Variants in SEMA3E observed in about 807,000 individuals in gnomAD.
SEMA3E encodes the protein semaphorin 3E.
SEMA3E carries 49 observed loss-of-function variants against 93.6 expected under a neutral mutation model. That is an observed-to-expected ratio of 0.52 (90% CI 0.42 to 0.66). The LOEUF is 0.66. Ranked by LOEUF, SEMA3E falls within the 30% of genes least tolerant of loss-of-function variation. The probability of loss-of-function intolerance (pLI) is 0.00; values close to 1 mark genes in which losing one functional copy is unlikely to be tolerated. For synonymous variants in SEMA3E, 363 were observed against 330.7 expected, an observed-to-expected ratio of 1.10 and a Z score of -1.06; for missense variants, 906 against 964.8, an observed-to-expected ratio of 0.94 and a Z score of 0.81.
At chr7:83,567,215 A>T (rs1051351366) in intron 1 of SEMA3E, among the ~76,000 whole-genome samples, 22 of 152,198 alleles carry the variant, frequency 1.4e-4, no homozygotes, top group Admixed American at 1.4e-3. Flanking sequence ...AGGATGTAAC[A>T]ATCCTAAACG....
At chr7:83,578,540 A>G (rs1792455622) in intron 1 of SEMA3E, among the ~76,000 whole-genome samples, 1 of 152,184 alleles carries the variant, frequency 6.6e-6, no homozygotes, top group African/African-American at 2.4e-5. Flanking sequence ...TAGGCAACAG[A>G]GTGAGACTCC....
intron 1 of SEMA3E, among the ~76,000 whole-genome samples, chr7:83,495,418 G>A (rs891513763): frequency 6.6e-6 from 1 of 151,564 alleles, no homozygotes; most frequent in Non-Finnish European, 1.5e-5. Context: ...TCATCCATAA[G>A]AAATTCATAG....
intron 4 of SEMA3E, among the ~76,000 whole-genome samples, chr7:83,426,230 T>C (rs377598071): frequency 4.6e-5 from 7 of 152,276 alleles, no homozygotes; most frequent in African/African-American, 1.4e-4. Flanking sequence ...ACTAGGTATA[T>C]GCCCAAAGGA....
chr7:83,637,907 G>A (rs1562865406), intron 1 of SEMA3E, among the ~76,000 whole-genome samples: 1 of 151,684 alleles, frequency 6.6e-6, no homozygotes, highest in Non-Finnish European at 1.5e-5. Flanking sequence ...AGATCAAGGA[G>A]GAAATTGTTG....
chr7:83,617,513 A>AATAATATATAATTTTATATAAATTT (rs1793400299), intron 1 of SEMA3E, among the ~76,000 whole-genome samples: 16 of 125,174 alleles, frequency 1.3e-4, no homozygotes, highest in Admixed American at 4.3e-4. Context: ...TATATAAATA[A>AATAATATATAATTTTATATAAATTT]TATATAATTT....
intron 1 of SEMA3E, among the ~76,000 whole-genome samples, chr7:83,597,691 C>T (rs1435170586): frequency 6.6e-6 from 1 of 152,136 alleles, no homozygotes; most frequent in Non-Finnish European, 1.5e-5. Context: ...TAATATAGCA[C>T]AACTATACTT....
chr7:83,367,409 T>C lies in SEMA3E; in HGVS notation c.*177A>G, dbSNP rs1368396183. On this transcript the variant is annotated 3_prime_UTR_variant, in exon 17 of 17. Coordinates refer to ENST00000643230, the MANE Select transcript of SEMA3E (RefSeq NM_012431.3). ...TTATTTAAAAAATTAGTTAATTTTA[T>C]GTAAAGTTTATCCAGTCAAATGAGT... 2 of 648,118 alleles carry C rather than the reference T, an allele frequency of 3.1e-6. No individual in the cohort carries two copies. The highest frequency in any genetic ancestry group is 5.3e-6 in the Non-Finnish European group (2 of 377,840). The allele number at this position is 648,118 out of a possible 1,614,324, so 40.1% of individuals were successfully genotyped here.
chr7:83,586,507 T>G (rs1792630908), intron 1 of SEMA3E, among the ~76,000 whole-genome samples: 2 of 151,928 alleles, frequency 1.3e-5, no homozygotes, highest in African/African-American at 4.8e-5. Flanking sequence ...GGTCTGGGAC[T>G]GCCAAGAGAG....
At chr7:83,462,536 T>TCC (rs1789649958) in intron 4 of SEMA3E, among the ~76,000 whole-genome samples, 1 of 151,946 alleles carries the variant, frequency 6.6e-6, no homozygotes, top group Non-Finnish European at 1.5e-5. Context: ...TCCCCTTGTA[T>TCC]CTCCCCACCT....
intron 2 of SEMA3E, among the ~76,000 whole-genome samples, chr7:83,488,016 C>T (rs189337334): frequency 2.0e-5 from 3 of 151,766 alleles, no homozygotes; most frequent in Non-Finnish European, 2.9e-5. Flanking sequence ...CTAGGAAAAG[C>T]GGAAATCTAA....
intron 1 of SEMA3E, among the ~76,000 whole-genome samples, chr7:83,548,200 G>A (rs1016192810): frequency 1.3e-5 from 2 of 152,062 alleles, no homozygotes; most frequent in Non-Finnish European, 2.9e-5. Flanking sequence ...ACAGAGAACT[G>A]AGATGAACTT....
chr7:83,420,817 T>G (rs1016724902), intron 4 of SEMA3E, among the ~76,000 whole-genome samples: 2 of 152,168 alleles, frequency 1.3e-5, no homozygotes, highest in Admixed American at 1.3e-4. Flanking sequence ...TATACAAAAA[T>G]TAACTCAATA....
intron 1 of SEMA3E, among the ~76,000 whole-genome samples, chr7:83,530,843 A>T (rs1791278473): frequency 1.3e-5 from 2 of 150,920 alleles, no homozygotes; most frequent in Admixed American, 1.3e-4. Context: ...GCGCCACTGT[A>T]CTCCAGCCTG....
chr7:83,447,854 A>C (rs73393328), intron 4 of SEMA3E, among the ~76,000 whole-genome samples: 5,156 of 152,232 alleles, frequency 0.034, 319 homozygotes, highest in African/African-American at 0.12. Flanking sequence ...TTTGAGGCTC[A>C]TATATTGTTT....
chr7:83,485,418 C>T (rs1340847112), intron 2 of SEMA3E, among the ~76,000 whole-genome samples: 2 of 152,148 alleles, frequency 1.3e-5, no homozygotes, highest in African/African-American at 2.4e-5. Context: ...CAATATTATA[C>T]ATGCATAGCC....
intron 1 of SEMA3E, among the ~76,000 whole-genome samples, chr7:83,532,480 A>G (rs982150468): frequency 1.3e-5 from 2 of 152,220 alleles, no homozygotes; most frequent in African/African-American, 4.8e-5. Context: ...GAAAGAATTA[A>G]TGAATAAATG....
chr7:83,626,944 TG>T (rs1213244515), intron 1 of SEMA3E, among the ~76,000 whole-genome samples: 1 of 152,228 alleles, frequency 6.6e-6, no homozygotes, highest in African/African-American at 2.4e-5. Flanking sequence ...TATTTATTTC[TG>T]CCTTAATTTC....
chr7:83,639,199 G>A (rs1181277411), intron 1 of SEMA3E, among the ~76,000 whole-genome samples: 2 of 149,418 alleles, frequency 1.3e-5, no homozygotes, highest in Non-Finnish European at 1.5e-5. Context: ...CAGCTCCCAG[G>A]GAATGCTGAT....
chr7:83,621,345 A>C (rs1174602291), intron 1 of SEMA3E, among the ~76,000 whole-genome samples: 3 of 152,200 alleles, frequency 2.0e-5, no homozygotes, highest in Admixed American at 6.5e-5. Context: ...GAAATCAGAG[A>C]GGACACAACC....
Sources: gnomAD v4.1 joint callset for allele counts (sites outside exome capture counted in the v4.1 genomes callset) on GRCh38, gnomAD v4.1.1 for gene constraint, MANE v1.5 for transcripts, NCBI Gene and HGNC (gene_info 2026-07-23, HGNC 2026-07-21) for gene names.